The following NUS1 variants were observed in gnomAD, a reference collection of about 807,000 sequenced individuals.
NUS1 encodes the protein dehydrodolichyl diphosphate synthase complex subunit NUS1.
For synonymous variants in NUS1, 135 were observed against 155.2 expected (o/e 0.87, Z 0.97); for missense variants, 292 against 382.9 (o/e 0.76, Z 1.98).
intron 1 of NUS1, among the ~76,000 whole-genome samples, chr6:117,683,725 A>C (rs1326938554): frequency 1.3e-5 from 2 of 152,212 alleles, no homozygotes; most frequent in Non-Finnish European, 2.9e-5. Flanking sequence ...ATAAATAATC[A>C]CAGTAAAAAT....
Position 117,675,961 on chromosome 6 carries a change from G to A in NUS1, c.291G>A (p.Leu97=), listed in dbSNP as rs1322627179. 1 of 1,548,474 alleles carries A rather than the reference G, an allele frequency of 6.5e-7. No homozygotes were observed. The highest frequency in any genetic ancestry group is 2.0e-5 in the Admixed American group (1 of 50,998). Reference sequence around the variant, plus strand: ...CGGACGGTCGTTCCTTGGAGAAGCTGCCTGTGCATATGGGCCTGGTGATCA... The same window carrying A: ...CGGACGGTCGTTCCTTGGAGAAGCTACCTGTGCATATGGGCCTGGTGATCA... ...WRADGRSLEK[L]PVHMGLVITE... is the part of the protein sequence containing the mutation. Residue 97 remains leucine (L), a synonymous_variant, in exon 1 of 5, where the codon CTG becomes CTA. Transcript: ENST00000368494.
intron 1 of NUS1, among the ~76,000 whole-genome samples, chr6:117,679,099 T>A (rs894979698): frequency 6.6e-6 from 1 of 152,188 alleles, no homozygotes; most frequent in Admixed American, 6.5e-5. Flanking sequence ...GTACAAGAAA[T>A]GGTGTCTCTT....
intron 3 of NUS1, among the ~76,000 whole-genome samples, chr6:117,697,797 TAGACCAA>T: frequency 6.6e-6 from 1 of 152,144 alleles, no homozygotes; most frequent in East Asian, 1.9e-4. Context: ...ATCTGCACTG[TAGACCAA>T]ATGGATCTAA....
At chr6:117,702,088 C>T (rs1449692773) in intron 3 of NUS1, among the ~76,000 whole-genome samples, 4 of 152,148 alleles carry the variant, frequency 2.6e-5, no homozygotes, top group African/African-American at 9.7e-5. Context: ...TATGTTATTT[C>T]CCAGTCGGCC....
At chr6:117,688,657 CTTTA>C (rs1032441833) in intron 1 of NUS1, among the ~76,000 whole-genome samples, 2 of 152,080 alleles carry the variant, frequency 1.3e-5, no homozygotes, top group African/African-American at 4.8e-5. Flanking sequence ...CGAGAGCTAG[CTTTA>C]TTAGATAAGC....
chr6:117,685,742 G>T (rs1773127511), intron 1 of NUS1, among the ~76,000 whole-genome samples: 1 of 152,122 alleles, frequency 6.6e-6, no homozygotes, highest in South Asian at 2.1e-4. Context: ...AAAACATAAA[G>T]TAAAAATCTT....
chr6:117,691,528 A>G (rs1313485325), intron 1 of NUS1, among the ~76,000 whole-genome samples: 7 of 143,920 alleles, frequency 4.9e-5, no homozygotes, highest in African/African-American at 1.8e-4. Context: ...TGTATACAGT[A>G]TATTCAGCAG....
rs1582478755 is a variant in NUS1, at chr6:117,706,994, T to C, written c.861T>C (p.Cys287=). The C allele has an allele frequency of 1.9e-6, 3 of 1,612,750 alleles. No individual in the cohort carries two copies. In the East Asian group the frequency reaches 6.7e-5, roughly 36 times the overall value. Residue 287 remains cysteine (C), a synonymous_variant, in exon 5 of 5, where the codon TGT becomes TGC. Transcript: ENST00000368494. The stretch of plus-strand genomic sequence containing the variant: ...CTGCCCTTCGTCAATATGCAGCCTG[T>C]GAACAGCGTCTGGGAAAGTAGTGGT... ...FFSALRQYAA[C]EQRLGK is the part of the protein sequence containing the mutation.
intron 1 of NUS1, 147 bp from the exon 2 acceptor site, chr6:117,692,895 C>T (rs755082765): frequency 3.1e-6 from 2 of 639,654 alleles, no homozygotes; most frequent in South Asian, 2.2e-5. Context: ...TCATGTTTTC[C>T]TTTTAGATTC....
At position 117,703,588 on chromosome 6, in the gene NUS1, AT is replaced by A; in HGVS notation, c.692-14del. 2 of 1,574,188 alleles carry A rather than the reference AT, an allele frequency of 1.3e-6. No individual in the cohort carries two copies. Among genetic ancestry groups the A allele is most frequent in the Non-Finnish European group, 1.7e-6 (2 of 1,143,946 alleles). On this transcript the variant is annotated splice_polypyrimidine_tract_variant and intron_variant, in intron 3 of 4. Coordinates refer to ENST00000368494, the MANE Select transcript of NUS1 (RefSeq NM_138459.5). The stretch of plus-strand genomic sequence containing the variant: ...TGCAGTGCATGTTAAGTTCATGTGT[AT>A]TTATTTATTTCCAAGGTTCAAATGG...
At chr6:117,679,489 C>T (rs1172900627) in intron 1 of NUS1, among the ~76,000 whole-genome samples, 1 of 152,106 alleles carries the variant, frequency 6.6e-6, no homozygotes, top group Non-Finnish European at 1.5e-5. Context: ...AGAAATCTAC[C>T]CAAAGCATAG....
In NUS1 at chr6:117,709,895, C is replaced by G. The variant is rs1582480386; in HGVS notation, c.*2880C>G. The stretch of plus-strand genomic sequence containing the variant: ...AAAATGTAATAAGAAATGCATATGA[C>G]TAGATAGCAATAGTGTTTTTTTTAG... On this transcript the variant is annotated 3_prime_UTR_variant, in exon 5 of 5. Transcript: ENST00000368494. The G allele has an allele frequency of 6.6e-6, 1 of 152,484 alleles. No individual in the cohort carries two copies. The highest frequency in any genetic ancestry group is 1.5e-5 in the Non-Finnish European group (1 of 67,982). The allele number at this position is 152,484 out of a possible 1,614,324, so 9.4% of individuals were successfully genotyped here.
chr6:117,699,134 C>G (rs558324136), intron 3 of NUS1, among the ~76,000 whole-genome samples: 1 of 152,128 alleles, frequency 6.6e-6, no homozygotes, highest in Admixed American at 6.5e-5. Flanking sequence ...TAGCATAGCA[C>G]TGGCGGTCCT....
In NUS1 at chr6:117,694,011, T is replaced by C; in HGVS notation, c.542-20T>C. 6.3e-7 allele frequency: 1 copy of C among 1,591,570 alleles called. No individual in the cohort carries two copies. Among genetic ancestry groups the C allele is most frequent in the African/African-American group, 1.4e-5 (1 of 73,992 alleles). On this transcript the variant is annotated intron_variant, in intron 2 of 4. Coordinates refer to ENST00000368494, the MANE Select transcript of NUS1 (RefSeq NM_138459.5). ...TGGAAGAGAGTGTTTTTAAAATACATTGTTTGTTTTTTCTTCCAGTTTTAA... is the reference window on the plus strand; with the variant it reads ...TGGAAGAGAGTGTTTTTAAAATACACTGTTTGTTTTTTCTTCCAGTTTTAA...
intron 2 of NUS1, 137 bp from the exon 3 acceptor site, chr6:117,693,894 T>G (rs1773278785): frequency 1.2e-6 from 1 of 821,096 alleles, no homozygotes; most frequent in African/African-American, 1.8e-5. Flanking sequence ...ATATTGAAAT[T>G]GAAGGGCTTA....
At chr6:117,691,558 GATATAT>G (rs60775803) in intron 1 of NUS1, among the ~76,000 whole-genome samples, 17,044 of 136,822 alleles carry the variant, frequency 0.12, 1,333 homozygotes, top group African/African-American at 0.23. Flanking sequence ...CATAGATATA[GATATAT>G]ATATATATAT....
rs761285057 is a variant in NUS1 at position 117,703,653 on chromosome 6, T to C, written c.740T>C (p.Val247Ala). 13 of 1,614,000 alleles carry C rather than the reference T, an allele frequency of 8.1e-6. 1 individual carries two copies. The Middle Eastern group carries it at 4.9e-4, about 61-fold the overall frequency. The change falls in exon 4 of 5, where the codon GTG (valine) becomes GCG (alanine). Residue 247 changes from valine to alanine, a missense_variant. Transcript: ENST00000368494. Reference protein sequence around the residue: ...DPDLVLKFGPVDSTLGFLPWH... With the variant: ...DPDLVLKFGPADSTLGFLPWH... The stretch of plus-strand genomic sequence containing the variant: ...GATTTAGTATTGAAGTTCGGTCCTG[T>C]GGACAGCACATTAGGCTTTCTTCCC...
intron 1 of NUS1, among the ~76,000 whole-genome samples, chr6:117,687,460 T>G (rs1235538626): frequency 3.9e-5 from 6 of 152,156 alleles, no homozygotes; most frequent in Non-Finnish European, 5.9e-5. Context: ...TTAACAAGTT[T>G]AAATGAGTGT....
At chr6:117,683,578 ATTACT>A (rs1215170788) in intron 1 of NUS1, among the ~76,000 whole-genome samples, 2 of 152,190 alleles carry the variant, frequency 1.3e-5, no homozygotes, top group Non-Finnish European at 2.9e-5. Flanking sequence ...ATAAATAGAG[ATTACT>A]TTAATTCCAT....
Sources: gnomAD v4.1 joint callset for allele counts (sites outside exome capture counted in the v4.1 genomes callset) on GRCh38, gnomAD v4.1.1 for gene constraint, MANE v1.5 for transcripts, NCBI Gene and HGNC (gene_info 2026-07-23, HGNC 2026-07-21) for gene names.